Variants in PDCD1LG2 observed in about 807,000 individuals in gnomAD.
PDCD1LG2 encodes B7 dendritic cell molecule.
PDCD1LG2 carries 32 observed loss-of-function variants against 28.2 expected under a neutral mutation model. That is an observed-to-expected ratio of 1.13 (90% CI 0.86 to 1.52). The LOEUF (loss-of-function observed/expected upper bound fraction) is 1.52. PDCD1LG2 is among the 40% of genes most tolerant of loss of function. The pLI is 0.00. For synonymous variants in PDCD1LG2, 116 were observed against 120.2 expected (o/e 0.97, Z 0.23); for missense variants, 385 against 323.8 (o/e 1.19, Z -1.45).
intron 1 of PDCD1LG2, among the ~76,000 whole-genome samples, chr9:5,519,750 G>T (rs141564553): frequency 1.1e-4 from 17 of 152,018 alleles, no homozygotes; most frequent in African/African-American, 3.4e-4. Context: ...TACAACAAAC[G>T]TAACTCTTTT....
chr9:5,534,186 G>T (rs896085917), intron 2 of PDCD1LG2, among the ~76,000 whole-genome samples: 1 of 152,086 alleles, frequency 6.6e-6, no homozygotes, highest in Non-Finnish European at 1.5e-5. Context: ...TCTGACAATT[G>T]TAAGAATTCA....
chr9:5,552,453 G>C (rs1020479054), intron 4 of PDCD1LG2, among the ~76,000 whole-genome samples: 1 of 152,142 alleles, frequency 6.6e-6, no homozygotes, highest in Non-Finnish European at 1.5e-5. Context: ...CTATACGTGA[G>C]TCATTAGAAG....
chr9:5,571,250 T>A lies in PDCD1LG2; in HGVS notation c.*1291T>A, dbSNP rs1417337713. ...AAAGAATAAAACTCAATTGTTATTC[T>A]TCAACGTTCTTTATATATTCTACTT... On this transcript the variant is annotated 3_prime_UTR_variant, in exon 7 of 7. Coordinates refer to ENST00000397747, the MANE Select transcript of PDCD1LG2 (RefSeq NM_025239.4). 8.6e-6 allele frequency: 2 copies of A among 231,846 alleles called. No homozygotes were observed. The highest frequency in any genetic ancestry group is 1.7e-5 in the Non-Finnish European group (2 of 117,260). The allele number at this position is 231,846 out of a possible 1,614,324, so 14.4% of individuals were successfully genotyped here. A position where few individuals can be genotyped will look rare whatever the true frequency, so the allele number is the denominator to read the frequency against.
At chr9:5,557,158 G>A (rs1386568205) in intron 4 of PDCD1LG2, among the ~76,000 whole-genome samples, 1 of 152,094 alleles carries the variant, frequency 6.6e-6, no homozygotes, top group Non-Finnish European at 1.5e-5. Context: ...ACATTTTTGG[G>A]CTGAGAGACT....
intron 2 of PDCD1LG2, among the ~76,000 whole-genome samples, chr9:5,525,892 C>CA (rs1414527252): frequency 3.3e-5 from 5 of 151,698 alleles, no homozygotes; most frequent in Non-Finnish European, 7.4e-5. Context: ...ACAAAAAATA[C>CA]AAAAATTAGC....
At chr9:5,556,786 A>G (rs1009759) in intron 4 of PDCD1LG2, among the ~76,000 whole-genome samples, 63,255 of 151,902 alleles carry the variant, frequency 0.42, 14,636 homozygotes, top group African/African-American at 0.63. Context: ...AATTAACTTG[A>G]GTACCCTTTC....
intron 1 of PDCD1LG2, among the ~76,000 whole-genome samples, chr9:5,521,377 T>C (rs1820270920): frequency 1.3e-5 from 2 of 152,314 alleles, no homozygotes; most frequent in Middle Eastern, 6.8e-3. Flanking sequence ...TAAATATATA[T>C]ACACACTTAG....
chr9:5,569,795 A>G lies in PDCD1LG2; in HGVS notation c.817-159A>G, dbSNP rs867621824. Reference sequence around the variant, plus strand: ...GACTTGGACTAGGGCAATGGTAAAAACTGTGGAAAGAAGTTTTAAATGAAA... The same window carrying G: ...GACTTGGACTAGGGCAATGGTAAAAGCTGTGGAAAGAAGTTTTAAATGAAA... On this transcript the variant is annotated intron_variant, in intron 6 of 6. Coordinates refer to ENST00000397747, the MANE Select transcript of PDCD1LG2 (RefSeq NM_025239.4). This position sits in a 1 kb window ranked among gnomAD's most constrained non-coding sequence, Gnocchi z 4.1. Among the ~76,000 whole-genome samples, 40 of 152,220 alleles carry G rather than the reference A, an allele frequency of 2.6e-4. No homozygotes were observed. The highest frequency in any genetic ancestry group is 8.4e-4 in the African/African-American group (35 of 41,460).
intron 3 of PDCD1LG2, among the ~76,000 whole-genome samples, chr9:5,542,104 C>T (rs937980296): frequency 4.6e-5 from 7 of 151,998 alleles, no homozygotes; most frequent in Non-Finnish European, 1.0e-4. Flanking sequence ...ATTCAACAAA[C>T]GGTGCTGGGA....
At chr9:5,526,751 T>C (rs897298329) in intron 2 of PDCD1LG2, among the ~76,000 whole-genome samples, 2 of 152,192 alleles carry the variant, frequency 1.3e-5, no homozygotes, top group African/African-American at 4.8e-5. Context: ...CCTTTATTTT[T>C]TCATGAAAGA....
chr9:5,566,059 G>A (rs1022399855), intron 6 of PDCD1LG2, among the ~76,000 whole-genome samples: 2 of 152,162 alleles, frequency 1.3e-5, no homozygotes, highest in Non-Finnish European at 2.9e-5. Flanking sequence ...TGCCATCCCA[G>A]TTCTATCTCA....
intron 6 of PDCD1LG2, among the ~76,000 whole-genome samples, chr9:5,568,839 C>A (rs1037268142): frequency 2.6e-5 from 4 of 152,154 alleles, no homozygotes; most frequent in African/African-American, 9.7e-5. Context: ...TTTTATGGTT[C>A]TCTATGGCTC....
At chr9:5,525,858 C>G (rs1820365994) in intron 2 of PDCD1LG2, among the ~76,000 whole-genome samples, 3 of 151,806 alleles carry the variant, frequency 2.0e-5, no homozygotes, top group South Asian at 4.1e-4. Flanking sequence ...ACCAGCCTGG[C>G]CCGCATGGTG....
intron 3 of PDCD1LG2, among the ~76,000 whole-genome samples, chr9:5,540,329 G>C (rs1820664580): frequency 6.6e-6 from 1 of 152,040 alleles, no homozygotes; most frequent in Non-Finnish European, 1.5e-5. Flanking sequence ...CCTGGAGCTG[G>C]AGAAACAAGA....
At chr9:5,567,706 T>G (rs1428654675) in intron 6 of PDCD1LG2, among the ~76,000 whole-genome samples, 1 of 152,218 alleles carries the variant, frequency 6.6e-6, no homozygotes, top group Non-Finnish European at 1.5e-5. Context: ...ACTCATTTAT[T>G]CATTCATTCA....
At position 5,570,520 on chromosome 9, in the gene PDCD1LG2, A is replaced by G. The variant is rs1025226778; in HGVS notation, c.*561A>G. ...TAGCATAATGAAGTTGTTCTAATTAACAGAGAGCATTTAAATATACACTAA... is the reference window on the plus strand; with the variant it reads ...TAGCATAATGAAGTTGTTCTAATTAGCAGAGAGCATTTAAATATACACTAA... On this transcript the variant is annotated 3_prime_UTR_variant, in exon 7 of 7. Coordinates refer to ENST00000397747, the MANE Select transcript of PDCD1LG2 (RefSeq NM_025239.4). The G allele has an allele frequency of 8.6e-6, 2 of 233,208 alleles. No homozygotes were observed. The highest frequency in any genetic ancestry group is 1.7e-5 in the Non-Finnish European group (2 of 118,128). 14.4% of individuals were successfully genotyped at this position (233,208 alleles called of 1,614,324 possible).
At chr9:5,517,227 T>G (rs1820184428) in intron 1 of PDCD1LG2, among the ~76,000 whole-genome samples, 1 of 152,128 alleles carries the variant, frequency 6.6e-6, no homozygotes, top group Non-Finnish European at 1.5e-5. Context: ...CATAAGACAG[T>G]CTCAGGAGAA....
At chr9:5,551,805 G>C (rs1816339054) in intron 4 of PDCD1LG2, among the ~76,000 whole-genome samples, 1 of 152,192 alleles carries the variant, frequency 6.6e-6, no homozygotes, top group Non-Finnish European at 1.5e-5. Flanking sequence ...GTCCCCAATT[G>C]TACTGTTCAA....
intron 5 of PDCD1LG2, among the ~76,000 whole-genome samples, chr9:5,561,225 C>T (rs2129938171): frequency 6.6e-6 from 1 of 152,266 alleles, no homozygotes; most frequent in Admixed American, 6.5e-5. Flanking sequence ...ACTGTAAGTG[C>T]TCAATAGCCA....
Sources: allele counts gnomAD v4.1 joint callset (sites outside exome capture counted in the v4.1 genomes callset), GRCh38; gene constraint gnomAD v4.1.1; non-coding constraint Gnocchi (gnomAD v3.1); transcripts MANE v1.5; gene names NCBI Gene and HGNC (gene_info 2026-07-23, HGNC 2026-07-21).